The following SLITRK3 variants were observed in gnomAD, a reference collection of about 807,000 sequenced individuals.
The protein encoded by SLITRK3 is SLIT and NTRK-like protein 3.
A neutral mutation model predicts 63.6 loss-of-function variants in SLITRK3; 16 were observed. The ratio of observed to expected loss-of-function variants is 0.25; its 90% CI spans 0.17 to 0.38. The LOEUF is 0.38. Ranked by LOEUF, SLITRK3 falls within the 10% of genes least tolerant of loss-of-function variation. SLITRK3 has a pLI of 1.00. For missense variants in SLITRK3, 1,117 were observed against 1,181.4 expected, an observed-to-expected ratio of 0.95 and a Z score of 0.80; for synonymous variants, 547 against 451.6, an observed-to-expected ratio of 1.21 and a Z score of -2.68.
rs1452353147 is a variant in SLITRK3 at position 165,187,354 on chromosome 3, C to A, written c.*543G>T. ...AGTGAGTGAGAACATTCGAGCAAGACCCGCCCCCTCCCTCCCCATCTTGCA... is the reference window on the plus strand; with the variant it reads ...AGTGAGTGAGAACATTCGAGCAAGAACCGCCCCCTCCCTCCCCATCTTGCA... On this transcript the variant is annotated 3_prime_UTR_variant, in exon 2 of 2. Transcript: ENST00000475390. 1 of 148,254 alleles carries A rather than the reference C, an allele frequency of 6.7e-6. No homozygotes were observed. The highest frequency in any genetic ancestry group is 1.5e-5 in the Non-Finnish European group (1 of 67,114). The allele number at this position is 148,254 out of a possible 1,614,324, so 9.2% of individuals were successfully genotyped here. A position where few individuals can be genotyped will look rare whatever the true frequency, so the allele number is the denominator to read the frequency against.
At chr3:165,193,277 TTTTCTTTC>T (rs146325529) in intron 1 of SLITRK3, among the ~76,000 whole-genome samples, 5,984 of 138,924 alleles carry the variant, frequency 0.043, 173 homozygotes, top group Non-Finnish European at 0.061. Flanking sequence ...GGGATAGGCA[TTTTCTTTC>T]TTTCTTTCTT....
At chr3:165,191,439 A>C (rs963652646) in intron 1 of SLITRK3, among the ~76,000 whole-genome samples, 1 of 152,236 alleles carries the variant, frequency 6.6e-6, no homozygotes, top group African/African-American at 2.4e-5. Flanking sequence ...AGGAAAACTT[A>C]AGATTTATTT....
In SLITRK3 at chr3:165,187,211, AGTGT is replaced by A. The variant is rs34713758; in HGVS notation, c.*682_*685del. ...ATTGAGTTGAATGGAAATGGTATGG[AGTGT>A]GTGTGTGTGTGTGTGTGTGTGTGTG... On this transcript the variant is annotated 3_prime_UTR_variant, in exon 2 of 2. Transcript: ENST00000475390. 24,550 of 141,064 alleles carry A rather than the reference AGTGT, an allele frequency of 0.17. 2,050 individuals carry two copies. Among genetic ancestry groups the A allele is most frequent in the African/African-American group, 0.2 (7,487 of 37,674 alleles). The allele number at this position is 141,064 out of a possible 1,614,324, so 8.7% of individuals were successfully genotyped here. A position where few individuals can be genotyped will look rare whatever the true frequency, so the allele number is the denominator to read the frequency against.
chr3:165,188,383 C>A lies in SLITRK3; in HGVS notation c.2448G>T (p.Lys816Asn), dbSNP rs776244496. Reference protein sequence around the residue: ...SNYRTLLEKEKEWALAVSSSQ... With the variant: ...SNYRTLLEKENEWALAVSSSQ... ...AGCTGGACACTGCTAGGGCCCACTCCTTCTCTTTTTCCAGCAAGGTCCGGT... is the reference window on the plus strand; with the variant it reads ...AGCTGGACACTGCTAGGGCCCACTCATTCTCTTTTTCCAGCAAGGTCCGGT... The change falls in exon 2 of 2, where the codon AAG becomes AAT. Residue 816 changes from lysine to asparagine, a missense_variant. Lys to Asn is a moderately conservative substitution (Grantham distance 94). Transcript: ENST00000475390. 6.2e-7 allele frequency: 1 copy of A among 1,613,904 alleles called. No individual in the cohort carries two copies. Among genetic ancestry groups the A allele is most frequent in the Admixed American group, 1.7e-5 (1 of 59,986 alleles).
rs1179965019 is a variant in SLITRK3, at chr3:165,187,971, G to A, written c.2860C>T (p.Leu954Phe). Residue 954 changes from leucine (L) to phenylalanine (F), a missense_variant, in exon 2 of 2, where the codon CTC becomes TTC. By Grantham distance (22) the Leu-to-Phe change is conservative. Around this residue, in one of 4 missense-constraint regions of SLITRK3, gnomAD observed 499 missense variants for 463.6 expected, o/e 1.08. Transcript: ENST00000475390. ...TDHQTQKSDY[L>F]ELRAKLQTKP... is the part of the protein sequence containing the mutation. Reference sequence around the variant, plus strand: ...GTTTGAAGTTTGGCCCTTAACTCGAGGTAATCACTTTTTTGGGTTTGGTGG... The same window carrying A: ...GTTTGAAGTTTGGCCCTTAACTCGAAGTAATCACTTTTTTGGGTTTGGTGG... 14 of 1,613,998 alleles carry A rather than the reference G, an allele frequency of 8.7e-6. No homozygotes were observed. The highest frequency in any genetic ancestry group is 1.1e-5 in the Non-Finnish European group (13 of 1,180,016).
At chr3:165,196,957 T>TCTCTCGCTCTCG (rs201899313), upstream of SLITRK3, 2 of 148,556 alleles carry the variant, frequency 1.3e-5, no homozygotes, top group Admixed American at 1.4e-4. Context: ...TCTCGCTCTC[T>TCTCTCGCTCTCG]CTCTCGCTCT....
chr3:165,194,621 C>A (rs1162459406), intron 1 of SLITRK3, among the ~76,000 whole-genome samples: 1 of 152,114 alleles, frequency 6.6e-6, no homozygotes, highest in African/African-American at 2.4e-5. Flanking sequence ...CGCACCCTCC[C>A]CCCCATCCCC....
In SLITRK3 at chr3:165,188,869, A is replaced by C; in HGVS notation, c.1962T>G (p.Ser654=). Reference sequence around the variant, plus strand: ...GAACCAGCAGGCTGAGAATTAACACAGAAAGTGGCACAGGGCCCCCAGGAG... The same window carrying C: ...GAACCAGCAGGCTGAGAATTAACACCGAAAGTGGCACAGGGCCCCCAGGAG... The part of the protein sequence containing the change: ...FSPPGGPVPL[S]VLILSLLVLF... The change falls in exon 2 of 2, where the codon TCT becomes TCG. Residue 654 remains serine, a synonymous_variant. Coordinates refer to ENST00000475390, the MANE Select transcript of SLITRK3 (RefSeq NM_001318810.2). The C allele has an allele frequency of 1.2e-6, 2 of 1,614,142 alleles. No homozygotes were observed. The highest frequency in any genetic ancestry group is 1.7e-6 in the Non-Finnish European group (2 of 1,180,020).
chr3:165,194,387 A>G (rs953066543), intron 1 of SLITRK3, among the ~76,000 whole-genome samples: 26 of 152,190 alleles, frequency 1.7e-4, no homozygotes, highest in African/African-American at 6.0e-4. Context: ...GATATTTTGC[A>G]TTTAAAATGA....
Position 165,190,743 on chromosome 3 carries a change from G to A in SLITRK3, c.88C>T (p.Pro30Ser). 1.9e-6 allele frequency: 3 copies of A among 1,614,048 alleles called. No homozygotes were observed. Among genetic ancestry groups the A allele is most frequent in the Non-Finnish European group, 2.5e-6 (3 of 1,179,966 alleles). The change falls in exon 2 of 2, where the codon CCG becomes TCG. Residue 30 changes from proline to serine, a missense_variant. This residue lies in a region of SLITRK3 where 452 missense variants were observed against 495.3 expected (regional missense o/e 0.91). Coordinates refer to ENST00000475390, the MANE Select transcript of SLITRK3 (RefSeq NM_001318810.2). ...LSTIALGWTT[P>S]IPLIEDSEEI... is the part of the protein sequence containing the mutation. ...TCTGAGTCCTCTATTAGGGGAATCG[G>A]GGTAGTCCATCCTAGAGCAATTGTG...
rs375411747 is a variant in SLITRK3, at chr3:165,189,020, G to T, written c.1811C>A (p.Thr604Asn). 5.6e-6 allele frequency: 9 copies of T among 1,614,054 alleles called. No homozygotes were observed. The highest frequency in any genetic ancestry group is 2.2e-5 in the East Asian group (1 of 44,874). Residue 604 changes from threonine (T) to asparagine (N), a missense_variant, in exon 2 of 2, where the codon ACT (threonine) becomes AAT (asparagine). Thr to Asn is a moderately conservative substitution (Grantham distance 65). Around this residue, in one of 4 missense-constraint regions of SLITRK3, gnomAD observed 499 missense variants for 463.6 expected, o/e 1.08. Coordinates refer to ENST00000475390, the MANE Select transcript of SLITRK3 (RefSeq NM_001318810.2). The surrounding 1 kb of genome is among the most constrained non-coding windows in gnomAD (Gnocchi z 4.0). ...TGGGCAAAGAACTTCCAGCTCAATA[G>T]TGCGCACATCACGGTGCGTGAGGTT... ...PENLTHRDVR[T>N]IELEVLCPEM...
rs1297330476 is a variant in SLITRK3 at position 165,189,571 on chromosome 3, A to G, written c.1260T>C (p.Ile420=). 1 of 1,614,042 alleles carries G rather than the reference A, an allele frequency of 6.2e-7. No homozygotes were observed. The highest frequency in any genetic ancestry group is 1.3e-5 in the African/African-American group (1 of 74,934). ...AAAAATCAGAACGGTATATTTTCTG[A>G]ATCAGATTGCTACTCAGATACAGTT... ...AKKLYLSSNL[I]QKIYRSDFWN... is the part of the protein sequence containing the mutation. The change falls in exon 2 of 2, where the codon ATT becomes ATC. Residue 420 remains isoleucine (I), a synonymous_variant. Transcript: ENST00000475390. The surrounding 1 kb of genome is among the most constrained non-coding windows in gnomAD (Gnocchi z 4.0).
chr3:165,195,623 G>C lies in SLITRK3; in HGVS notation c.-65C>G, dbSNP rs963249396. 2.6e-5 allele frequency: 4 copies of C among 152,434 alleles called. No homozygotes were observed. Among genetic ancestry groups the C allele is most frequent in the Non-Finnish European group, 5.9e-5 (4 of 68,074 alleles). 9.4% of individuals were successfully genotyped at this position (152,434 alleles called of 1,614,324 possible). A position where few individuals can be genotyped will look rare whatever the true frequency, so the allele number is the denominator to read the frequency against. On this transcript the variant is annotated 5_prime_UTR_variant, in exon 1 of 2. Transcript: ENST00000475390. ...AGGATCTCCGAGGTTTGCTGCGAGG[G>C]GCTACCCAGCAGGAGGGGCAAACTC...
chr3:165,187,183 C>G lies in SLITRK3; in HGVS notation c.*714G>C, dbSNP rs1252215944. The stretch of plus-strand genomic sequence containing the variant: ...AAAAATGGATCAAACCCGAACTAAG[C>G]AGATTGAGTTGAATGGAAATGGTAT... On this transcript the variant is annotated 3_prime_UTR_variant, in exon 2 of 2. Transcript: ENST00000475390. 4 of 151,154 alleles carry G rather than the reference C, an allele frequency of 2.6e-5. No individual in the cohort carries two copies. The highest frequency in any genetic ancestry group is 5.8e-5 in the Non-Finnish European group (4 of 68,812). 9.4% of individuals were successfully genotyped at this position (151,154 alleles called of 1,614,324 possible).
rs900409634 is a variant in SLITRK3, at chr3:165,196,158, A to G, written c.-600T>C. ...GGGAGTGGGGGTTGGTGGCGTGTAGATGAGAGAAGAAAAGGGTGGGGAGAG... is the reference window on the plus strand; with the variant it reads ...GGGAGTGGGGGTTGGTGGCGTGTAGGTGAGAGAAGAAAAGGGTGGGGAGAG... On this transcript the variant is annotated 5_prime_UTR_variant, in exon 1 of 2. Coordinates refer to ENST00000475390, the MANE Select transcript of SLITRK3 (RefSeq NM_001318810.2). 2.7e-5 allele frequency among the ~76,000 whole-genome samples: 4 copies of G among 150,580 alleles called. No individual in the cohort carries two copies. Among genetic ancestry groups the G allele is most frequent in the African/African-American group, 9.8e-5 (4 of 40,930 alleles).
intron 1 of SLITRK3, 48 bp from the exon 2 acceptor site, chr3:165,190,899 C>T (rs1718200804): frequency 7.3e-7 from 1 of 1,362,724 alleles, no homozygotes; most frequent in Non-Finnish European, 9.9e-7. Context: ...GTCATATGTA[C>T]TATTTTAATT....
chr3:165,196,291 G>GT lies in SLITRK3; in HGVS notation c.-734dup. On this transcript the variant is annotated 5_prime_UTR_variant, in exon 1 of 2. Coordinates refer to ENST00000475390, the MANE Select transcript of SLITRK3 (RefSeq NM_001318810.2). ...GGGGGAGAGAAGATACAAATACACAGTATGGCTGTGCACACCAAATTCCAC... is the reference window on the plus strand; with the variant it reads ...GGGGGAGAGAAGATACAAATACACAGTTATGGCTGTGCACACCAAATTCCAC... Among the ~76,000 whole-genome samples, 1 of 152,116 alleles carries GT rather than the reference G, an allele frequency of 6.6e-6. No individual in the cohort carries two copies. Among genetic ancestry groups the GT allele is most frequent in the South Asian group, 2.1e-4 (1 of 4,812 alleles).
At chr3:165,196,623 C>A, upstream of SLITRK3, 1 of 152,426 alleles carries the variant, frequency 6.6e-6, no homozygotes, top group South Asian at 2.0e-4. Context: ...AGCGCCAGGT[C>A]GTGTATAAGG....
chr3:165,193,723 G>A (rs530150456), intron 1 of SLITRK3, among the ~76,000 whole-genome samples: 3 of 152,202 alleles, frequency 2.0e-5, no homozygotes, highest in East Asian at 3.9e-4. Flanking sequence ...CAGACCACTT[G>A]GGTAACAATG....
Sources: gnomAD v4.1 joint callset for allele counts (sites outside exome capture counted in the v4.1 genomes callset) on GRCh38, gnomAD v4.1.1 for gene constraint, gnomAD v4.1.1 regional missense constraint, Gnocchi (gnomAD v3.1) non-coding constraint, MANE v1.5 for transcripts, NCBI Gene and HGNC (gene_info 2026-07-23, HGNC 2026-07-21) for gene names.